MYO16: variants seen among roughly 807,000 people sequenced by gnomAD.
MYO16 encodes the protein unconventional myosin-XVI.
Under a neutral mutation model 205.3 loss-of-function variants are expected in MYO16, and 94 were observed. That is an observed-to-expected ratio of 0.46 (90% CI 0.39 to 0.54). The LOEUF (loss-of-function observed/expected upper bound fraction) is 0.54, where lower values mean the gene tolerates loss of function less well. Ranked by LOEUF, MYO16 falls within the 20% of genes least tolerant of loss-of-function variation. The probability of loss-of-function intolerance (pLI) is 0.00; values close to 1 mark genes in which losing one functional copy is unlikely to be tolerated. For missense variants in MYO16, 2,315 were observed against 2,387.5 expected (o/e 0.97, Z 0.63); for synonymous variants, 988 against 954.0 (o/e 1.04, Z -0.66).
intron 1 of MYO16, among the ~76,000 whole-genome samples, chr13:108,645,851 C>A (rs527456345): frequency 1.3e-5 from 2 of 152,192 alleles, no homozygotes; most frequent in Admixed American, 6.5e-5. Flanking sequence ...AAAGACTTGA[C>A]GCTGGATCCA....
At chr13:108,549,970 T>A in the MYO16 span, among the ~76,000 whole-genome samples, 1 of 152,256 alleles carries the variant, frequency 6.6e-6, no homozygotes. Flanking sequence ...TACTTTGGAT[T>A]TCTGTCCTCC....
chr13:108,950,848 A>G (rs1331625595), intron 16 of MYO16, among the ~76,000 whole-genome samples: 1 of 152,204 alleles, frequency 6.6e-6, no homozygotes, highest in Non-Finnish European at 1.5e-5. Flanking sequence ...TAACACTGGA[A>G]TACTGCTCGG....
At chr13:108,719,921 G>T (rs2139567933) in intron 3 of MYO16, among the ~76,000 whole-genome samples, 1 of 152,250 alleles carries the variant, frequency 6.6e-6, no homozygotes, top group East Asian at 1.9e-4. Context: ...AATTTAAAAT[G>T]CAGCAAACCA....
chr13:108,661,784 G>A (rs1260857300), intron 1 of MYO16, among the ~76,000 whole-genome samples: 1 of 151,998 alleles, frequency 6.6e-6, no homozygotes, highest in African/African-American at 2.4e-5. Flanking sequence ...TCTTTTTCAG[G>A]TAAATCAGAG....
chr13:108,766,765 C>T lies in MYO16; in HGVS notation c.508-18870C>T, dbSNP rs984991989. Among the ~76,000 whole-genome samples the T allele has an allele frequency of 2.6e-5, 4 of 152,108 alleles. No homozygotes were observed. The East Asian group carries it at 7.7e-4, about 29-fold the overall frequency. ...TTTAAAGACTCATAGGTTTGCTTGT[C>T]TTTTTATGAAAACAGTTTGCTGGCT... is the stretch of plus-strand genomic sequence containing the variant. On this transcript the variant is annotated intron_variant, in intron 4 of 34. Transcript: ENST00000457511.
intron 16 of MYO16, among the ~76,000 whole-genome samples, chr13:108,945,922 A>C (rs1882921686): frequency 6.6e-6 from 1 of 152,194 alleles, no homozygotes; most frequent in Non-Finnish European, 1.5e-5. Flanking sequence ...TCTAATTAAC[A>C]TGTCAGAAAG....
rs890862191 is a variant in MYO16 at position 108,869,599 on chromosome 13, C to T, written c.1425+3357C>T. 2.4e-3 allele frequency among the ~76,000 whole-genome samples: 365 copies of T among 149,954 alleles called. 1 individual carries two copies. Among genetic ancestry groups the T allele is most frequent in the African/African-American group, 8.4e-3 (344 of 41,026 alleles). On this transcript the variant is annotated intron_variant, in intron 12 of 34. Coordinates refer to ENST00000457511, the MANE Select transcript of MYO16 (RefSeq NM_001198950.3). ...AAAAAAAGTTAGCCGGGCGTCGTGGCGGGCGTCTGTAGTCCCAGCTACTCG... is the reference window on the plus strand; with the variant it reads ...AAAAAAAGTTAGCCGGGCGTCGTGGTGGGCGTCTGTAGTCCCAGCTACTCG...
chr13:108,573,662 G>A, the MYO16 span, among the ~76,000 whole-genome samples: 1 of 152,180 alleles, frequency 6.6e-6, no homozygotes, highest in Admixed American at 6.5e-5. Flanking sequence ...ATAACACTGA[G>A]CAGTTTGATC....
At chr13:109,058,490 A>G (rs922180537) in intron 27 of MYO16, among the ~76,000 whole-genome samples, 10 of 152,208 alleles carry the variant, frequency 6.6e-5, no homozygotes, top group Non-Finnish European at 1.5e-4. Context: ...TTCCCGCTGC[A>G]TATAAAAGTT....
chr13:108,537,360 C>T, the MYO16 span, among the ~76,000 whole-genome samples: 2 of 152,204 alleles, frequency 1.3e-5, no homozygotes, highest in Admixed American at 6.5e-5. Flanking sequence ...CATAGTATTC[C>T]ATGATGTATA....
chr13:108,550,557 C>G, the MYO16 span, among the ~76,000 whole-genome samples: 1 of 152,036 alleles, frequency 6.6e-6, no homozygotes, highest in Non-Finnish European at 1.5e-5. Flanking sequence ...GGTTTGTATT[C>G]CTTGGTGATT....
At chr13:108,543,113 C>T in the MYO16 span, among the ~76,000 whole-genome samples, 14 of 151,846 alleles carry the variant, frequency 9.2e-5, no homozygotes, top group African/African-American at 9.7e-5. Flanking sequence ...ACAAGTCTTT[C>T]GCTAAAGAAA....
At chr13:109,169,627 T>TAA (rs35221178) in intron 33 of MYO16, among the ~76,000 whole-genome samples, 17 of 148,956 alleles carry the variant, frequency 1.1e-4, no homozygotes, top group East Asian at 2.0e-4. Context: ...AATACATTCT[T>TAA]AAAAAAAAAA....
intron 16 of MYO16, among the ~76,000 whole-genome samples, chr13:108,953,951 G>A (rs1403929464): frequency 1.3e-5 from 2 of 152,160 alleles, no homozygotes; most frequent in Non-Finnish European, 2.9e-5. Context: ...CTGCCATCAG[G>A]CAAACTGCCC....
intron 12 of MYO16, 103 bp from the exon 13 acceptor site, chr13:108,882,956 C>G: frequency 7.1e-7 from 1 of 1,417,840 alleles, no homozygotes; most frequent in Admixed American, 2.2e-5. Context: ...ATTAGGGATT[C>G]ATTCACTTCT....
intron 6 of MYO16, among the ~76,000 whole-genome samples, chr13:108,801,606 A>G (rs1399613717): frequency 6.6e-6 from 1 of 152,236 alleles, no homozygotes; most frequent in Non-Finnish European, 1.5e-5. Context: ...CTAAAAATCT[A>G]GGGTTTAGAA....
At chr13:108,708,997 C>T (rs9559387) in intron 2 of MYO16, among the ~76,000 whole-genome samples, 74,756 of 150,308 alleles carry the variant, frequency 0.5, 18,781 homozygotes, top group East Asian at 0.58. Flanking sequence ...CATGCCCCCC[C>T]ACCCCCTCCC....
intron 33 of MYO16, among the ~76,000 whole-genome samples, chr13:109,170,032 A>G (rs1466033360): frequency 6.6e-6 from 1 of 152,222 alleles, no homozygotes; most frequent in Admixed American, 6.5e-5. Flanking sequence ...AAATCATAAA[A>G]TGGATAGAAG....
chr13:108,524,820 TAAG>T, the MYO16 span, among the ~76,000 whole-genome samples: 1 of 151,960 alleles, frequency 6.6e-6, no homozygotes, highest in Admixed American at 6.6e-5. Context: ...ATAATAGAAA[TAAG>T]AGAAAAAAAC....
Sources: gnomAD v4.1 joint callset for allele counts (sites outside exome capture counted in the v4.1 genomes callset) on GRCh38, gnomAD v4.1.1 for gene constraint, MANE v1.5 for transcripts, NCBI Gene and HGNC (gene_info 2026-07-23, HGNC 2026-07-21) for gene names.